The following SMG6 variants were observed in gnomAD, a reference collection of about 807,000 sequenced individuals.
SMG6 encodes the protein telomerase-binding protein EST1A.
A neutral mutation model predicts 142.2 loss-of-function variants in SMG6; 66 were observed. The observed-to-expected ratio is 0.46, with a 90% CI of 0.38 to 0.57. The LOEUF is 0.57. Among genes scored for constraint, SMG6 ranks in the 20% least tolerant of loss-of-function variants. The pLI, the probability that SMG6 is intolerant of heterozygous loss-of-function variation, is 0.00. For synonymous variants in SMG6, 779 were observed against 702.4 expected (o/e 1.11, Z -1.72); for missense variants, 1,793 against 1,832.0 (o/e 0.98, Z 0.39).
At chr17:2,174,095 G>C (rs940725612) in intron 12 of SMG6, among the ~76,000 whole-genome samples, 3 of 152,162 alleles carry the variant, frequency 2.0e-5, no homozygotes, top group Non-Finnish European at 2.9e-5. Context: ...AATATGTAAA[G>C]AGAGCTGTAA....
At chr17:2,149,880 C>T (rs2070775333) in intron 13 of SMG6, among the ~76,000 whole-genome samples, 1 of 152,198 alleles carries the variant, frequency 6.6e-6, no homozygotes, top group African/African-American at 2.4e-5. Context: ...AATGTTTCCA[C>T]CGGGAGGGTC....
chr17:2,183,725 T>A (rs1224187477), intron 12 of SMG6, among the ~76,000 whole-genome samples: 1 of 150,512 alleles, frequency 6.6e-6, no homozygotes, highest in Non-Finnish European at 1.5e-5. Flanking sequence ...GGTATGCTGA[T>A]CCCTGATACA....
intron 10 of SMG6, among the ~76,000 whole-genome samples, chr17:2,189,135 T>A (rs933902958): frequency 6.6e-6 from 1 of 152,188 alleles, no homozygotes; most frequent in African/African-American, 2.4e-5. Flanking sequence ...AATAAGCACT[T>A]AATCAGTGTT....
chr17:2,091,856 T>C (rs111955911), intron 13 of SMG6, among the ~76,000 whole-genome samples: 1 of 141,384 alleles, frequency 7.1e-6, no homozygotes, highest in Admixed American at 6.9e-5. Flanking sequence ...GTGTGTGTGT[T>C]TTTTTTTAGT....
rs2074816436 is a variant in SMG6, at chr17:2,282,726, T to C, written c.2582A>G (p.His861Arg). The change falls in exon 8 of 19, where the codon CAT becomes CGT. Residue 861 changes from histidine (H) to arginine (R), a missense_variant. Physicochemically the swap from His to Arg is conservative, Grantham distance 29. Transcript: ENST00000263073. Reference protein sequence around the residue: ...TRLEIWIHPSHPRSSQGTESG... With the variant: ...TRLEIWIHPSRPRSSQGTESG... ...CTCAGTGCCCTGGGAAGACCGTGGATGGGATGGATGAATCCAGATCTCCAG... is the reference window on the plus strand; with the variant it reads ...CTCAGTGCCCTGGGAAGACCGTGGACGGGATGGATGAATCCAGATCTCCAG... The C allele has an allele frequency of 6.2e-7, 1 of 1,614,182 alleles. No homozygotes were observed. Among genetic ancestry groups the C allele is most frequent in the South Asian group, 1.1e-5 (1 of 91,090 alleles).
Position 2,172,740 on chromosome 17 carries a change from T to C in SMG6, c.3275A>G (p.Glu1092Gly). 6.2e-7 allele frequency: 1 copy of C among 1,614,036 alleles called. No homozygotes were observed. Among genetic ancestry groups the C allele is most frequent in the Non-Finnish European group, 8.5e-7 (1 of 1,180,008 alleles). The stretch of plus-strand genomic sequence containing the variant: ...AAAGCCCGAGAGAAGCCGATCCTCT[T>C]CCAGGATAAGAAGGGTGAGGTCATC... ...PDDDLTLLIL[E>G]EDRLLSGFVP... Residue 1092 changes from glutamate to glycine, a missense_variant, in exon 13 of 19, where the codon GAA becomes GGA. Physicochemically the swap from Glu to Gly is moderately conservative, Grantham distance 98. Transcript: ENST00000263073.
At chr17:2,162,517 GAAAAAAA>G (rs56092903) in intron 13 of SMG6, among the ~76,000 whole-genome samples, 1 of 60,648 alleles carries the variant, frequency 1.6e-5, no homozygotes, top group African/African-American at 6.0e-5. Flanking sequence ...CCCCATCTCA[GAAAAAAA>G]AAAAAAAAAA....
chr17:2,099,799 G>A (rs1396238186), intron 13 of SMG6, among the ~76,000 whole-genome samples: 2 of 152,172 alleles, frequency 1.3e-5, no homozygotes, highest in Non-Finnish European at 2.9e-5. Context: ...ACATGAAAAG[G>A]CATTTTTTCA....
chr17:2,234,900 T>TA (rs1407238484), intron 10 of SMG6, among the ~76,000 whole-genome samples: 2 of 152,178 alleles, frequency 1.3e-5, no homozygotes, highest in African/African-American at 2.4e-5. Flanking sequence ...GCAGGTCCTT[T>TA]ACATTCACAC....
chr17:2,271,542 C>T (rs1406684674), intron 8 of SMG6, among the ~76,000 whole-genome samples: 1 of 151,724 alleles, frequency 6.6e-6, no homozygotes, highest in Non-Finnish European at 1.5e-5. Context: ...GGTGAAACCC[C>T]GTCTCTCCTA....
rs780823712 is a variant in SMG6, at chr17:2,283,629, C to T, written c.2444G>A (p.Arg815Gln). 9.9e-6 allele frequency: 16 copies of T among 1,613,366 alleles called. No individual in the cohort carries two copies. The highest frequency in any genetic ancestry group is 4.4e-5 in the South Asian group (4 of 91,066). ...TTCTGCCACATCCCCACTCACCTTC[C>T]GCTTGGTCTCTTCAAACAAGCTCAT... ...SLMSLFEETK[R>Q]KAEQMEKKQH... The change falls in exon 7 of 19, where the codon CGG becomes CAG. Residue 815 changes from arginine (R) to glutamine (Q), a missense_variant. Transcript: ENST00000263073.
At chr17:2,284,906 T>C (rs2074870273) in intron 6 of SMG6, among the ~76,000 whole-genome samples, 3 of 152,080 alleles carry the variant, frequency 2.0e-5, no homozygotes, top group Admixed American at 6.6e-5. Flanking sequence ...TCCATACTAA[T>C]TTCTATCTAC....
rs774057825 is a variant in SMG6, at chr17:2,297,858, T to C, written c.2040+5A>G. 1 of 1,607,952 alleles carries C rather than the reference T, an allele frequency of 6.2e-7. No individual in the cohort carries two copies. The highest frequency in any genetic ancestry group is 1.7e-5 in the Admixed American group (1 of 59,850). ...TATCCTGAGGACAAAAAGATGACAG[T>C]TTACCTCATCCAAGAGCTCCAAAAG... is the stretch of plus-strand genomic sequence containing the variant. On this transcript the variant is annotated splice_donor_5th_base_variant and intron_variant, in intron 3 of 18. Coordinates refer to ENST00000263073, the MANE Select transcript of SMG6 (RefSeq NM_017575.5).
At chr17:2,274,117 T>C (rs2074598768) in intron 8 of SMG6, among the ~76,000 whole-genome samples, 1 of 152,254 alleles carries the variant, frequency 6.6e-6, no homozygotes, top group Non-Finnish European at 1.5e-5. Flanking sequence ...TCATGCTCAT[T>C]CATTTACATA....
intron 7 of SMG6, 65 bp downstream of exon 7, chr17:2,283,560 G>A: frequency 7.6e-7 from 1 of 1,311,138 alleles, no homozygotes; most frequent in Non-Finnish European, 1.1e-6. Context: ...CAGAGCTAGG[G>A]CACACCAACA....
At chr17:2,063,479 C>T (rs1484924091) in intron 18 of SMG6, among the ~76,000 whole-genome samples, 1 of 152,216 alleles carries the variant, frequency 6.6e-6, no homozygotes, top group Admixed American at 6.5e-5. Context: ...CAATGGGTTC[C>T]TGTAGGCTGT....
chr17:2,169,490 A>G (rs1021053987), intron 13 of SMG6, among the ~76,000 whole-genome samples: 2 of 152,188 alleles, frequency 1.3e-5, no homozygotes, highest in African/African-American at 4.8e-5. Context: ...ATATGATTAT[A>G]TGATGTGGCC....
In SMG6 at chr17:2,300,677, G is replaced by T. The variant is rs2075261609; in HGVS notation, c.89-13C>A. 2 of 1,553,356 alleles carry T rather than the reference G, an allele frequency of 1.3e-6. No individual in the cohort carries two copies. Among genetic ancestry groups the T allele is most frequent in the Non-Finnish European group, 1.7e-6 (2 of 1,154,216 alleles). ...TCCTTCATGTTTTCTGTTATGTCGG[G>T]GAAAGAGTTTGGGAGGGAAAGGTAG... On this transcript the variant is annotated splice_polypyrimidine_tract_variant and intron_variant, in intron 1 of 18. Transcript: ENST00000263073.
chr17:2,104,012 C>T (rs2151478988), intron 13 of SMG6, among the ~76,000 whole-genome samples: 1 of 151,250 alleles, frequency 6.6e-6, no homozygotes, highest in Non-Finnish European at 1.5e-5. Context: ...AGTGTAATGG[C>T]ACGATCTCAG....
Sources: gnomAD v4.1 joint callset for allele counts (sites outside exome capture counted in the v4.1 genomes callset) on GRCh38, gnomAD v4.1.1 for gene constraint, MANE v1.5 for transcripts, NCBI Gene and HGNC (gene_info 2026-07-23, HGNC 2026-07-21) for gene names.